PRICKLE2: variants seen among roughly 807,000 people sequenced by gnomAD.
The protein encoded by PRICKLE2 is prickle-like protein 2.
PRICKLE2 carries 21 observed loss-of-function variants against 81.4 expected under a neutral mutation model. That is an observed-to-expected ratio of 0.26 (90% CI 0.18 to 0.37). The LOEUF is 0.37. Among genes scored for constraint, PRICKLE2 ranks in the 10% least tolerant of loss-of-function variants. PRICKLE2 has a pLI of 1.00. For synonymous variants in PRICKLE2, 456 were observed against 421.5 expected (o/e 1.08, Z -1.00); for missense variants, 940 against 1,109.0 (o/e 0.85, Z 2.16).
chr3:64,162,888 A>C, intron 3 of PRICKLE2, 128 bp downstream of exon 3: 1 of 783,472 alleles, frequency 1.3e-6, no homozygotes, highest in East Asian at 2.4e-5. Flanking sequence ...CTAATTAAGG[A>C]AGCTAAAACC....
intron 1 of PRICKLE2, among the ~76,000 whole-genome samples, chr3:64,214,386 G>C (rs1236846692): frequency 1.3e-5 from 2 of 152,208 alleles, no homozygotes; most frequent in Non-Finnish European, 2.9e-5. Context: ...TTCAGATTGA[G>C]TTAGACACAA....
intron 2 of PRICKLE2, among the ~76,000 whole-genome samples, chr3:64,169,822 G>T (rs1054736438): frequency 1.3e-5 from 2 of 152,164 alleles, no homozygotes; most frequent in African/African-American, 4.8e-5. Flanking sequence ...CTCAATTCGG[G>T]GAGGTAATAT....
chr3:64,114,065 C>A (rs566098815), intron 7 of PRICKLE2, among the ~76,000 whole-genome samples: 20 of 152,220 alleles, frequency 1.3e-4, no homozygotes, highest in Admixed American at 3.3e-4. Context: ...CAATACAAGT[C>A]CCCCAGAGTA....
chr3:64,242,093 C>CT (rs966373424), intron 2 of PRICKLE2, among the ~76,000 whole-genome samples: 17 of 152,186 alleles, frequency 1.1e-4, no homozygotes, highest in African/African-American at 3.9e-4. Context: ...TATCTTTTCT[C>CT]TTTTTTGCAA....
At chr3:64,122,452 G>A (rs1282922645) in intron 7 of PRICKLE2, among the ~76,000 whole-genome samples, 1 of 152,180 alleles carries the variant, frequency 6.6e-6, no homozygotes, top group African/African-American at 2.4e-5. Context: ...GAACTTCTGG[G>A]AGGCCCAAGA....
intron 7 of PRICKLE2, among the ~76,000 whole-genome samples, chr3:64,110,506 C>A (rs907107168): frequency 1.3e-5 from 2 of 152,040 alleles, no homozygotes; most frequent in African/African-American, 4.8e-5. Flanking sequence ...AGCAAGGTGA[C>A]CGTTACAGAT....
intron 2 of PRICKLE2, among the ~76,000 whole-genome samples, chr3:64,183,245 G>T (rs2078165248): frequency 6.6e-6 from 1 of 152,042 alleles, no homozygotes; most frequent in South Asian, 2.1e-4. Context: ...TAGATCCTTG[G>T]TCATTTCAAA....
Position 64,141,173 on chromosome 3 carries a change from C to A in PRICKLE2, c.1660+5657G>T, listed in dbSNP as rs536069273. Reference sequence around the variant, plus strand: ...TATTATGATTATCATTGGTTACAATCAACATCAGAAGCAGCAGTACATTTA... The same window carrying A: ...TATTATGATTATCATTGGTTACAATAAACATCAGAAGCAGCAGTACATTTA... On this transcript the variant is annotated intron_variant, in intron 7 of 7. Coordinates refer to ENST00000638394, the MANE Select transcript of PRICKLE2 (RefSeq NM_198859.4). Among the ~76,000 whole-genome samples, 6 of 152,338 alleles carry A rather than the reference C, an allele frequency of 3.9e-5. No homozygotes were observed. The East Asian group carries it at 7.7e-4, about 20-fold the overall frequency.
chr3:64,259,835 T>C (rs2079590108), intron 2 of PRICKLE2, among the ~76,000 whole-genome samples: 1 of 152,060 alleles, frequency 6.6e-6, no homozygotes, highest in Non-Finnish European at 1.5e-5. Flanking sequence ...GGACAGACTC[T>C]CTCCCAGAGA....
At chr3:64,166,885 G>A (rs1203171160) in intron 2 of PRICKLE2, among the ~76,000 whole-genome samples, 3 of 152,134 alleles carry the variant, frequency 2.0e-5, no homozygotes, top group Admixed American at 6.5e-5. Flanking sequence ...GCTTTGTGTC[G>A]CCTCCTGGTG....
intron 7 of PRICKLE2, 200 bp from the exon 8 acceptor site, chr3:64,100,125 C>G: frequency 1.7e-6 from 1 of 595,380 alleles, no homozygotes. Flanking sequence ...CTAGAGGGGG[C>G]ACTTACTTAA....
intron 2 of PRICKLE2, among the ~76,000 whole-genome samples, chr3:64,247,675 A>T (rs550155896): frequency 6.6e-6 from 1 of 152,222 alleles, no homozygotes; most frequent in African/African-American, 2.4e-5. Context: ...ATCATAACTT[A>T]AACAACCTGG....
intron 1 of PRICKLE2, among the ~76,000 whole-genome samples, chr3:64,221,916 C>A (rs565338591): frequency 8.5e-5 from 13 of 152,302 alleles, no homozygotes; most frequent in Non-Finnish European, 1.9e-4. Flanking sequence ...AAGCACTAGA[C>A]GGGTACCACG....
chr3:64,246,691 T>A (rs1427512179), intron 2 of PRICKLE2, among the ~76,000 whole-genome samples: 3 of 152,218 alleles, frequency 2.0e-5, no homozygotes, highest in Non-Finnish European at 4.4e-5. Flanking sequence ...GTAAAACTGA[T>A]GTTGCTGATA....
At chr3:64,209,962 G>T (rs183062571) in intron 1 of PRICKLE2, among the ~76,000 whole-genome samples, 1 of 152,278 alleles carries the variant, frequency 6.6e-6, no homozygotes, top group African/African-American at 2.4e-5. Flanking sequence ...TTTCCCGGCA[G>T]AGAAGAAGTG....
At chr3:64,266,373 T>C (rs1472689096) in intron 2 of PRICKLE2, among the ~76,000 whole-genome samples, 1 of 152,208 alleles carries the variant, frequency 6.6e-6, no homozygotes, top group Non-Finnish European at 1.5e-5. Context: ...CTGATTTCTG[T>C]TCTGCATTTC....
chr3:64,143,290 T>A (rs1471268331), intron 7 of PRICKLE2, among the ~76,000 whole-genome samples: 1 of 152,320 alleles, frequency 6.6e-6, no homozygotes, highest in Admixed American at 6.5e-5. Flanking sequence ...CAGCCCCATA[T>A]GGCTGCCATA....
intron 7 of PRICKLE2, among the ~76,000 whole-genome samples, chr3:64,133,206 G>GA (rs2077222854): frequency 6.6e-6 from 1 of 152,144 alleles, no homozygotes; most frequent in Admixed American, 6.5e-5. Flanking sequence ...CTGCTTCTTA[G>GA]GTAGTCCTAA....
chr3:64,130,943 G>A (rs940945069), intron 7 of PRICKLE2, among the ~76,000 whole-genome samples: 1 of 152,176 alleles, frequency 6.6e-6, no homozygotes, highest in Non-Finnish European at 1.5e-5. Context: ...TCTCTTACAA[G>A]AGATGGAGAA....
Sources: gnomAD v4.1 joint callset for allele counts (sites outside exome capture counted in the v4.1 genomes callset) on GRCh38, gnomAD v4.1.1 for gene constraint, MANE v1.5 for transcripts, NCBI Gene and HGNC (gene_info 2026-07-23, HGNC 2026-07-21) for gene names.